SCML2: variants seen among roughly 807,000 people sequenced by gnomAD.
The protein encoded by SCML2 is Scm polycomb group protein like 2.
In SCML2, 6 loss-of-function variants were observed where a neutral mutation model predicts 48.4. That is an observed-to-expected ratio of 0.12 (90% CI 0.07 to 0.24). The LOEUF (loss-of-function observed/expected upper bound fraction) is 0.24. Ranked by LOEUF, SCML2 falls within the 10% of genes least tolerant of loss-of-function variation. The pLI, the probability that SCML2 is intolerant of heterozygous loss-of-function variation, is 1.00. For synonymous variants in SCML2, 181 were observed against 189.5 expected (o/e 0.95, Z 0.37); for missense variants, 377 against 528.2 (o/e 0.71, Z 2.81).
chrX:18,327,989 G>C (rs181918406), intron 3 of SCML2, among the ~76,000 whole-genome samples: 91 of 112,076 alleles, frequency 8.1e-4, no homozygotes, highest in African/African-American at 2.9e-3. Context: ...TTCATTGACA[G>C]ACTGGGGATG....
intron 7 of SCML2, among the ~76,000 whole-genome samples, chrX:18,277,208 C>A (rs1401717113): frequency 9.0e-6 from 1 of 111,017 alleles, no homozygotes; most frequent in Non-Finnish European, 1.9e-5. Flanking sequence ...GTAGCTGGGA[C>A]TACAGGCATG....
chrX:18,310,260 C>CTTTTTTTT (rs773391164), intron 6 of SCML2, among the ~76,000 whole-genome samples: 8 of 62,370 alleles, frequency 1.3e-4, no homozygotes, highest in Non-Finnish European at 2.0e-4. Context: ...AACCACCTCC[C>CTTTTTTTT]TTTTTTTTTT....
chrX:18,319,252 G>A (rs887640656), intron 6 of SCML2, among the ~76,000 whole-genome samples: 9 of 111,267 alleles, frequency 8.1e-5, no homozygotes, highest in African/African-American at 2.9e-4. Context: ...TTAGCCTGGT[G>A]TAGTGGCACG....
At chrX:18,295,840 A>C (rs1420021153) in intron 7 of SCML2, among the ~76,000 whole-genome samples, 3 of 112,533 alleles carry the variant, frequency 2.7e-5, no homozygotes, top group Non-Finnish European at 3.7e-5. Flanking sequence ...CATTGAGGAA[A>C]TTACAAACAC....
At position 18,258,874 on chromosome X, in the gene SCML2, T is replaced by C. The variant is rs1490377084; in HGVS notation, c.1070-627A>G. Among the ~76,000 whole-genome samples the C allele has an allele frequency of 3.6e-5, 4 of 111,813 alleles. No homozygotes were observed. In the East Asian group the frequency reaches 8.3e-4, roughly 23 times the overall value. On this transcript the variant is annotated intron_variant, in intron 9 of 14. Coordinates refer to ENST00000251900, the MANE Select transcript of SCML2 (RefSeq NM_006089.3). Reference sequence around the variant, plus strand: ...CTTTCCTTAGTATAATAAAAGCATATGATATAGAAGCAATTCATCTATAAT... The same window carrying C: ...CTTTCCTTAGTATAATAAAAGCATACGATATAGAAGCAATTCATCTATAAT...
intron 8 of SCML2, 26 bp downstream of exon 8, chrX:18,265,559 A>G: frequency 1.8e-6 from 2 of 1,106,192 alleles, no homozygotes; most frequent in South Asian, 3.8e-5. Context: ...AACCTATAAT[A>G]CAAATTAGGA....
At chrX:18,332,192 G>A (rs1280499390) in intron 2 of SCML2, among the ~76,000 whole-genome samples, 1 of 112,508 alleles carries the variant, frequency 8.9e-6, no homozygotes, top group Non-Finnish European at 1.9e-5. Flanking sequence ...TTAAGGCACG[G>A]ATCACATAGA....
intron 6 of SCML2, among the ~76,000 whole-genome samples, chrX:18,308,389 C>A (rs1928836663): frequency 9.5e-6 from 1 of 105,127 alleles, no homozygotes; most frequent in Admixed American, 1.0e-4. Flanking sequence ...GAAGGACAAC[C>A]TACAGAAAGG....
intron 6 of SCML2, among the ~76,000 whole-genome samples, chrX:18,312,232 T>A (rs1034626961): frequency 8.9e-6 from 1 of 111,829 alleles, no homozygotes; most frequent in Non-Finnish European, 1.9e-5. Context: ...GTGTTAACAA[T>A]GGAGACGGCA....
At chrX:18,334,216 T>A in intron 1 of SCML2, 121 bp from the exon 2 acceptor site, 1 of 449,973 alleles carries the variant, frequency 2.2e-6, no homozygotes, top group Non-Finnish European at 3.7e-6. Flanking sequence ...TGATAAGATT[T>A]GTATATGCCT....
At chrX:18,293,273 T>C (rs1394811420) in intron 7 of SCML2, among the ~76,000 whole-genome samples, 1 of 111,540 alleles carries the variant, frequency 9.0e-6, no homozygotes, top group Non-Finnish European at 1.9e-5. Flanking sequence ...TTTTCTCTAC[T>C]CAAAAAGAGT....
intron 1 of SCML2, 149 bp from the exon 2 acceptor site, chrX:18,334,244 G>A (rs1054882040): frequency 2.5e-6 from 1 of 400,875 alleles, no homozygotes; most frequent in Non-Finnish European, 4.3e-6. Context: ...TGGGAATGGA[G>A]GAAGAAGGAA....
At chrX:18,354,781 T>C (rs1408220226), upstream of SCML2, 1 of 158,225 alleles carries the variant, frequency 6.3e-6, no homozygotes, top group Non-Finnish European at 1.2e-5. Context: ...AGCACGCCCT[T>C]TGACCGCCGC....
At chrX:18,309,817 G>A (rs969996688) in intron 6 of SCML2, among the ~76,000 whole-genome samples, 2 of 110,901 alleles carry the variant, frequency 1.8e-5, no homozygotes, top group African/African-American at 3.3e-5. Flanking sequence ...ACTACCTATC[G>A]GCTACTATGC....
chrX:18,273,432 A>G (rs1927525015), intron 7 of SCML2, among the ~76,000 whole-genome samples: 1 of 111,549 alleles, frequency 9.0e-6, no homozygotes, highest in South Asian at 3.8e-4. Flanking sequence ...AACATTTCCA[A>G]AAGTAGAATT....
chrX:18,341,130 G>A, intron 1 of SCML2: 1 of 201,396 alleles, frequency 5.0e-6, no homozygotes, highest in Non-Finnish European at 9.6e-6. Context: ...ATGGTGAGAG[G>A]CACTGGCAGG....
chrX:18,302,658 C>A (rs1928632940), intron 7 of SCML2, among the ~76,000 whole-genome samples: 1 of 111,852 alleles, frequency 8.9e-6, no homozygotes, highest in Admixed American at 9.6e-5. Flanking sequence ...AAAACTTCCA[C>A]CACTTGCTGC....
chrX:18,311,130 A>C (rs1569156610), intron 6 of SCML2, among the ~76,000 whole-genome samples: 1 of 112,070 alleles, frequency 8.9e-6, no homozygotes, highest in Non-Finnish European at 1.9e-5. Flanking sequence ...TCTGACCACA[A>C]ACTAATACAT....
At position 18,240,993 on chromosome X, in the gene SCML2, T is replaced by C. The variant is rs1602067660; in HGVS notation, c.*258A>G. 6.6e-6 allele frequency: 1 copy of C among 152,113 alleles called. No individual in the cohort carries two copies. The highest frequency in any genetic ancestry group is 1.4e-4 in the East Asian group (1 of 6,960). 12.5% of individuals were successfully genotyped at this position (152,113 alleles called of 1,213,427 possible). ...TAAAAAGACATAAAGAACTGCCAAT[T>C]TGAATATGCCAATACTAACCTGTTA... On this transcript the variant is annotated 3_prime_UTR_variant, in exon 15 of 15. Transcript: ENST00000251900.
Sources: gnomAD v4.1 joint callset for allele counts (sites outside exome capture counted in the v4.1 genomes callset) on GRCh38, gnomAD v4.1.1 for gene constraint, MANE v1.5 for transcripts, NCBI Gene and HGNC (gene_info 2026-07-23, HGNC 2026-07-21) for gene names.